DYRK1A: variants seen among roughly 807,000 people sequenced by gnomAD.
The protein encoded by DYRK1A is dual specificity tyrosine phosphorylation regulated kinase 1A.
A neutral mutation model predicts 79.7 loss-of-function variants in DYRK1A; 9 were observed. That is an observed-to-expected ratio of 0.11 (90% CI 0.07 to 0.20). The LOEUF (loss-of-function observed/expected upper bound fraction) is 0.20. DYRK1A is among the 10% of genes least tolerant of loss of function. The pLI is 1.00. For missense variants in DYRK1A, 622 were observed against 956.0 expected, an observed-to-expected ratio of 0.65 and a Z score of 4.61; for synonymous variants, 349 against 329.7, an observed-to-expected ratio of 1.06 and a Z score of -0.63.
intron 7 of DYRK1A, 74 bp downstream of exon 7, chr21:37,490,535 T>G: frequency 4.5e-6 from 6 of 1,319,618 alleles, no homozygotes; most frequent in South Asian, 2.5e-5. Flanking sequence ...AGGTATTAGG[T>G]TGGCGCAAAA....
In DYRK1A at chr21:37,517,382, C is replaced by G. The variant is rs759815893; in HGVS notation, c.*4851C>G. 6.6e-6 allele frequency: 1 copy of G among 152,158 alleles called. No individual in the cohort carries two copies. Among genetic ancestry groups the G allele is most frequent in the Non-Finnish European group, 1.5e-5 (1 of 68,028 alleles). The allele number at this position is 152,158 out of a possible 1,614,324, so 9.4% of individuals were successfully genotyped here. On this transcript the variant is annotated 3_prime_UTR_variant, in exon 12 of 12. Coordinates refer to ENST00000647188, the MANE Select transcript of DYRK1A (RefSeq NM_001347721.2). ...GAGAAAGGCCGTGTAGGTATAAGTG[C>G]TTAATGTTTCATCTGTCTGAAAGAC...
rs1369027921 is a variant in DYRK1A, at chr21:37,513,112, AC to A, written c.*582del. On this transcript the variant is annotated 3_prime_UTR_variant, in exon 12 of 12. Coordinates refer to ENST00000647188, the MANE Select transcript of DYRK1A (RefSeq NM_001347721.2). ...CACCATCTTCAGCTGTATGAAAGGGACGGTTGTGGTGAAGTTTGTCAGGCAC... is the reference window on the plus strand; with the variant it reads ...CACCATCTTCAGCTGTATGAAAGGGAGGTTGTGGTGAAGTTTGTCAGGCAC... 6.5e-6 allele frequency: 1 copy of A among 153,980 alleles called. No homozygotes were observed. The highest frequency in any genetic ancestry group is 1.4e-5 in the Non-Finnish European group (1 of 69,090). The allele number at this position is 153,980 out of a possible 1,614,324, so 9.5% of individuals were successfully genotyped here.
chr21:37,511,944 T>C lies in DYRK1A; in HGVS notation c.1678T>C (p.Ser560Pro). ...RQQFPAPLGWSGTEAPTQVTV... is the reference protein window; with the variant it reads ...RQQFPAPLGWPGTEAPTQVTV... ...GCAATTTCCTGCTCCTCTTGGTTGG[T>C]CAGGCACTGAAGCTCCTACACAGGT... is the stretch of plus-strand genomic sequence containing the variant. Residue 560 changes from serine to proline, a missense_variant, in exon 12 of 12, where the codon TCA becomes CCA. Around this residue, in one of 5 missense-constraint regions of DYRK1A, gnomAD observed 292 missense variants for 316.7 expected, o/e 0.92. Coordinates refer to ENST00000647188, the MANE Select transcript of DYRK1A (RefSeq NM_001347721.2). 6.2e-7 allele frequency: 1 copy of C among 1,614,086 alleles called. No individual in the cohort carries two copies. Among genetic ancestry groups the C allele is most frequent in the Non-Finnish European group, 8.5e-7 (1 of 1,179,956 alleles).
At position 37,521,270 on chromosome 21, in the gene DYRK1A, A is replaced by G. The variant is rs2053933476; in HGVS notation, c.*8739A>G. 1 of 152,262 alleles carries G rather than the reference A, an allele frequency of 6.6e-6. No individual in the cohort carries two copies. The highest frequency in any genetic ancestry group is 2.4e-5 in the African/African-American group (1 of 41,456). 9.4% of individuals were successfully genotyped at this position (152,262 alleles called of 1,614,324 possible). A position where few individuals can be genotyped will look rare whatever the true frequency, so the allele number is the denominator to read the frequency against. ...AAATTTCCTTTTACTGGCAAAATTAAAACAGTGAACTTGAAATATCTCCCC... is the reference window on the plus strand; with the variant it reads ...AAATTTCCTTTTACTGGCAAAATTAGAACAGTGAACTTGAAATATCTCCCC... On this transcript the variant is annotated 3_prime_UTR_variant, in exon 12 of 12. Coordinates refer to ENST00000647188, the MANE Select transcript of DYRK1A (RefSeq NM_001347721.2).
intron 2 of DYRK1A, among the ~76,000 whole-genome samples, chr21:37,459,199 T>C (rs2051758511): frequency 6.6e-6 from 1 of 152,220 alleles, no homozygotes; most frequent in African/African-American, 2.4e-5. Context: ...TTACCATCTT[T>C]GATGGACAAT....
chr21:37,368,433 A>G (rs2148348546), intron 1 of DYRK1A, among the ~76,000 whole-genome samples: 2 of 152,334 alleles, frequency 1.3e-5, no homozygotes, highest in Middle Eastern at 6.8e-3. Flanking sequence ...GAAATAGTTA[A>G]AAATGGTAAA....
intron 2 of DYRK1A, among the ~76,000 whole-genome samples, chr21:37,424,046 C>T (rs1228397744): frequency 6.6e-6 from 1 of 151,990 alleles, no homozygotes; most frequent in African/African-American, 2.4e-5. Flanking sequence ...CTGTAAATTA[C>T]AAAACCCCAA....
chr21:37,373,991 CAAA>C (rs1569274739), intron 1 of DYRK1A, among the ~76,000 whole-genome samples: 1 of 152,054 alleles, frequency 6.6e-6, no homozygotes, highest in Non-Finnish European at 1.5e-5. Context: ...TATGTGAATT[CAAA>C]TAGACCGTTA....
At chr21:37,450,673 C>A (rs2051417827) in intron 2 of DYRK1A, among the ~76,000 whole-genome samples, 1 of 152,160 alleles carries the variant, frequency 6.6e-6, no homozygotes, top group Non-Finnish European at 1.5e-5. Flanking sequence ...GTGAGAGTTC[C>A]CAGGCCAGCC....
intron 2 of DYRK1A, among the ~76,000 whole-genome samples, chr21:37,446,267 C>T (rs2051267747): frequency 6.6e-6 from 1 of 152,102 alleles, no homozygotes; most frequent in Non-Finnish European, 1.5e-5. Flanking sequence ...CTTATTTTAG[C>T]CATCTCCTAA....
rs1338697850 is a variant in DYRK1A at position 37,487,204 on chromosome 21, T to C, written c.637+590T>C. On this transcript the variant is annotated intron_variant, in intron 6 of 11. Coordinates refer to ENST00000647188, the MANE Select transcript of DYRK1A (RefSeq NM_001347721.2). ...CTTATAAGGAAGATGGTAGAATCCT[T>C]AAGTTATGGTTGGTTTGTATAAGAA... The C allele has an allele frequency of 2.0e-5, 3 of 152,304 alleles. No individual in the cohort carries two copies. In the East Asian group the frequency reaches 5.8e-4, roughly 29 times the overall value. 9.4% of individuals were successfully genotyped at this position (152,304 alleles called of 1,614,324 possible).
intron 1 of DYRK1A, among the ~76,000 whole-genome samples, chr21:37,408,846 T>C (rs2050194504): frequency 6.6e-6 from 1 of 152,246 alleles, no homozygotes; most frequent in South Asian, 2.1e-4. Flanking sequence ...GACAGTCAGC[T>C]GTAGTTGAGA....
At position 37,480,426 on chromosome 21, in the gene DYRK1A, G is replaced by A. The variant is rs2298330; in HGVS notation, c.301-212G>A. ...TACTTTTCTTGAATGGCATACTTTG[G>A]ACAAGTCACTTAACATTTTTTGTTT... On this transcript the variant is annotated intron_variant, in intron 4 of 11. Transcript: ENST00000647188. Among the ~76,000 whole-genome samples, 19,784 of 152,060 alleles carry A rather than the reference G, an allele frequency of 0.13. 1,303 individuals carry two copies. The highest frequency in any genetic ancestry group is 0.16 in the African/African-American group (6,808 of 41,472).
rs74929188 is a variant in DYRK1A at position 37,443,133 on chromosome 21, G to C, written c.10+22749G>C. On this transcript the variant is annotated intron_variant, in intron 2 of 11. Coordinates refer to ENST00000647188, the MANE Select transcript of DYRK1A (RefSeq NM_001347721.2). The stretch of plus-strand genomic sequence containing the variant: ...GCCACTGTCCGCAACCATAGACCAG[G>C]GTAGGAGATGTCTTTTTTTTTCCCC... 1.5e-4 allele frequency among the ~76,000 whole-genome samples: 23 copies of C among 152,170 alleles called. No homozygotes were observed. The East Asian group carries it at 4.4e-3, about 29-fold the overall frequency.
At chr21:37,438,884 T>TG (rs1266480772) in intron 2 of DYRK1A, among the ~76,000 whole-genome samples, 2 of 152,208 alleles carry the variant, frequency 1.3e-5, no homozygotes, top group Non-Finnish European at 1.5e-5. Flanking sequence ...TGATTGGGGT[T>TG]GTGTTGAATA....
At chr21:37,412,741 TG>T (rs1305567629) in intron 1 of DYRK1A, among the ~76,000 whole-genome samples, 2 of 152,086 alleles carry the variant, frequency 1.3e-5, no homozygotes, top group Non-Finnish European at 2.9e-5. Flanking sequence ...ACTGAAAGAA[TG>T]GTGGTGCGGG....
intron 11 of DYRK1A, 141 bp downstream of exon 11, chr21:37,506,364 T>C: frequency 6.4e-7 from 1 of 1,554,264 alleles, no homozygotes; most frequent in Non-Finnish European, 8.7e-7. Context: ...TGTAAGTATT[T>C]ATCATAGAGA....
intron 2 of DYRK1A, among the ~76,000 whole-genome samples, chr21:37,454,634 A>G (rs562411506): frequency 2.0e-5 from 3 of 152,330 alleles, no homozygotes; most frequent in African/African-American, 4.8e-5. Context: ...TAATGTACCT[A>G]TTGGGTTAAT....
At chr21:37,465,596 G>A (rs1036976921) in intron 2 of DYRK1A, among the ~76,000 whole-genome samples, 2 of 152,112 alleles carry the variant, frequency 1.3e-5, no homozygotes, top group Non-Finnish European at 2.9e-5. Flanking sequence ...TAGCACTTTG[G>A]GAGGCCAAAG....
Sources: allele counts gnomAD v4.1 joint callset (sites outside exome capture counted in the v4.1 genomes callset), GRCh38; gene constraint gnomAD v4.1.1; regional missense constraint gnomAD v4.1.1; transcripts MANE v1.5; gene names NCBI Gene and HGNC (gene_info 2026-07-23, HGNC 2026-07-21).